ERI1: variants seen among roughly 807,000 people sequenced by gnomAD.
The protein encoded by ERI1 is exoribonuclease 1, also known as 3'-5' exoribonuclease 1.
ERI1 carries 39 observed loss-of-function variants against 39.7 expected under a neutral mutation model. The observed-to-expected ratio is 0.98, with a 90% CI of 0.76 to 1.28. ERI1 has a LOEUF of 1.28. Among genes scored for constraint, ERI1 ranks in the 50% most tolerant of loss-of-function variants. The probability of loss-of-function intolerance (pLI) is 0.00; values close to 1 mark genes in which losing one functional copy is unlikely to be tolerated. For synonymous variants in ERI1, 204 were observed against 149.6 expected, an observed-to-expected ratio of 1.36 and a Z score of -2.65; for missense variants, 581 against 416.9, an observed-to-expected ratio of 1.39 and a Z score of -3.43.
intron 2 of ERI1, 80 bp downstream of exon 2, chr8:9,008,228 A>C (rs1300760387): frequency 3.4e-6 from 4 of 1,171,366 alleles, no homozygotes; most frequent in African/African-American, 3.1e-5. Context: ...AAATATTAAA[A>C]ATCATCTGTA....
chr8:9,045,756 G>A (rs551205048), intron 3 of ERI1, among the ~76,000 whole-genome samples: 4 of 149,160 alleles, frequency 2.7e-5, no homozygotes, highest in East Asian at 4.0e-4. Flanking sequence ...GGCTCACTGC[G>A]ACCTCCACCT....
chr8:9,009,878 C>G (rs1816481746), intron 2 of ERI1, among the ~76,000 whole-genome samples: 1 of 152,148 alleles, frequency 6.6e-6, no homozygotes, highest in Non-Finnish European at 1.5e-5. Context: ...CAGTATACCT[C>G]AGGAACATGT....
At chr8:9,010,954 G>C (rs952748260) in intron 2 of ERI1, among the ~76,000 whole-genome samples, 1 of 152,098 alleles carries the variant, frequency 6.6e-6, no homozygotes. Context: ...CCTTTGGACA[G>C]TTTACTTAGA....
chr8:9,022,064 A>G (rs2117258748), intron 6 of ERI1, among the ~76,000 whole-genome samples: 1 of 152,168 alleles, frequency 6.6e-6, no homozygotes, highest in African/African-American at 2.4e-5. Flanking sequence ...ATTACTAGAT[A>G]ATACAAAAAT....
chr8:9,042,394 C>T (rs1282017438), intron 3 of ERI1, among the ~76,000 whole-genome samples: 1 of 152,178 alleles, frequency 6.6e-6, no homozygotes, highest in African/African-American at 2.4e-5. Flanking sequence ...GTGTCACCAG[C>T]GTTTTAAATT....
At chr8:9,083,534 C>T (rs17703328) in intron 3 of ERI1, among the ~76,000 whole-genome samples, 43,258 of 151,904 alleles carry the variant, frequency 0.28, 6,721 homozygotes, top group Non-Finnish European at 0.35. Context: ...CAGTATCCAG[C>T]CTTAGCAATC....
intron 6 of ERI1, among the ~76,000 whole-genome samples, chr8:9,021,191 G>T (rs1416201705): frequency 2.8e-4 from 43 of 152,176 alleles, no homozygotes; most frequent in Non-Finnish European, 1.5e-5. Flanking sequence ...TTACTTCCGC[G>T]GTTGTTTACT....
intron 3 of ERI1, chr8:9,048,549 C>G (rs919356542): frequency 1.9e-5 from 3 of 154,068 alleles, no homozygotes; most frequent in Non-Finnish European, 2.9e-5. Flanking sequence ...ACTGTGGTCA[C>G]TCTTCTGGTG....
rs551053390 is a variant in ERI1, at chr8:9,089,732, C to T, written n.300-26616C>T. On this transcript the variant is annotated intron_variant and non_coding_transcript_variant, in intron 3 of 3. Transcript: ENST00000518663. ...TACAAAATGACGAGGTTTGTGTAGC[C>T]GGAGCGATGCCTTGGGTTTTTGTTG... 7.6e-4 allele frequency among the ~76,000 whole-genome samples: 116 copies of T among 152,196 alleles called. 1 individual carries two copies. The South Asian group carries it at 0.022, about 29-fold the overall frequency.
intron 6 of ERI1, among the ~76,000 whole-genome samples, chr8:9,024,400 C>T (rs1585222417): frequency 6.6e-6 from 1 of 151,222 alleles, no homozygotes; most frequent in East Asian, 1.9e-4. Flanking sequence ...CTTTTCTCTT[C>T]TTTTTTCTCT....
At chr8:9,034,068 A>G (rs1337625895), downstream of ERI1, among the ~76,000 whole-genome samples, 1 of 152,210 alleles carries the variant, frequency 6.6e-6, no homozygotes, top group Non-Finnish European at 1.5e-5. Context: ...TTGAGATTAG[A>G]AATGTTAGTG....
intron 3 of ERI1, among the ~76,000 whole-genome samples, chr8:9,066,788 G>T (rs936937506): frequency 6.6e-6 from 1 of 152,050 alleles, no homozygotes; most frequent in African/African-American, 2.4e-5. Flanking sequence ...GAGTTGAGAG[G>T]GAAACAGCTG....
At chr8:9,068,812 T>C (rs532622967) in intron 3 of ERI1, among the ~76,000 whole-genome samples, 1 of 152,254 alleles carries the variant, frequency 6.6e-6, no homozygotes, top group South Asian at 2.1e-4. Flanking sequence ...TTTTAAATTT[T>C]TTAAATTTTA....
chr8:9,075,591 T>G (rs1799185632), intron 3 of ERI1, among the ~76,000 whole-genome samples: 1 of 152,056 alleles, frequency 6.6e-6, no homozygotes, highest in South Asian at 2.1e-4. Context: ...CCATGCATTT[T>G]GTTGTTGTTG....
At chr8:9,035,534 G>A (rs1403105832), downstream of ERI1, among the ~76,000 whole-genome samples, 1 of 152,056 alleles carries the variant, frequency 6.6e-6, no homozygotes. Flanking sequence ...AATATTTGAA[G>A]CCTGCTGTTG....
intron 3 of ERI1, among the ~76,000 whole-genome samples, chr8:9,068,771 C>T (rs1316405238): frequency 6.6e-6 from 1 of 152,092 alleles, no homozygotes; most frequent in East Asian, 1.9e-4. Flanking sequence ...CACCTGCGTA[C>T]CTTGAGTGAC....
chr8:9,041,382 C>T (rs1798013356), intron 3 of ERI1, among the ~76,000 whole-genome samples: 1 of 152,110 alleles, frequency 6.6e-6, no homozygotes, highest in East Asian at 1.9e-4. Flanking sequence ...TTGAGGCATA[C>T]ACGCTCTTCT....
intron 3 of ERI1, among the ~76,000 whole-genome samples, chr8:9,043,615 T>C (rs1019809427): frequency 6.6e-6 from 1 of 152,266 alleles, no homozygotes; most frequent in African/African-American, 2.4e-5. Context: ...AAAATTATTA[T>C]GTATTTGGTA....
At chr8:9,077,586 G>A (rs1273845515) in intron 3 of ERI1, among the ~76,000 whole-genome samples, 1 of 152,210 alleles carries the variant, frequency 6.6e-6, no homozygotes, top group African/African-American at 2.4e-5. Context: ...AATGCACTGT[G>A]AACAAAGGCT....
Sources: allele counts gnomAD v4.1 joint callset (sites outside exome capture counted in the v4.1 genomes callset), GRCh38; gene constraint gnomAD v4.1.1; transcripts MANE v1.5; gene names NCBI Gene and HGNC (gene_info 2026-07-23, HGNC 2026-07-21).